Variants in MEF2A observed in about 807,000 individuals in gnomAD.
MEF2A encodes the protein myocyte enhancer factor 2A.
A neutral mutation model predicts 55.8 loss-of-function variants in MEF2A; 28 were observed. The observed-to-expected ratio is 0.50, with a 90% confidence interval of 0.37 to 0.69. The LOEUF is 0.69. Among genes scored for constraint, MEF2A ranks in the 30% least tolerant of loss-of-function variants. MEF2A has a pLI of 0.00. For missense variants in MEF2A, 528 were observed against 626.2 expected (o/e 0.84, Z 1.67); for synonymous variants, 239 against 227.1 (o/e 1.05, Z -0.47).
At chr15:99,606,035 T>C (rs1974988877) in intron 2 of MEF2A, among the ~76,000 whole-genome samples, 2 of 152,132 alleles carry the variant, frequency 1.3e-5, no homozygotes, top group African/African-American at 4.8e-5. Context: ...TATATAAATC[T>C]ACAGTCACTG....
chr15:99,578,603 T>C (rs1233241562), intron 1 of MEF2A, among the ~76,000 whole-genome samples: 1 of 151,872 alleles, frequency 6.6e-6, no homozygotes, highest in Admixed American at 6.6e-5. Context: ...TACTGGGGAG[T>C]CTTTTTCCTT....
At chr15:99,567,715 GTTTTAGGGAATCAAGAGTTTT>G (rs1960335211) in intron 1 of MEF2A, among the ~76,000 whole-genome samples, 3 of 148,030 alleles carry the variant, frequency 2.0e-5, no homozygotes, top group Non-Finnish European at 4.4e-5. Context: ...TACAACTTTT[GTTTTAGGGAATCAAGAGTTTT>G]CACTAAAGCA....
At chr15:99,636,578 A>G (rs2043888942) in intron 3 of MEF2A, among the ~76,000 whole-genome samples, 1 of 152,120 alleles carries the variant, frequency 6.6e-6, no homozygotes. Flanking sequence ...GCCTTAAGTG[A>G]TCCTCCTGCC....
At chr15:99,643,669 G>A (rs2045438514) in intron 3 of MEF2A, among the ~76,000 whole-genome samples, 1 of 149,604 alleles carries the variant, frequency 6.7e-6, no homozygotes, top group African/African-American at 2.5e-5. Flanking sequence ...TCGGCTCACT[G>A]CAAGCTCTGC....
chr15:99,594,873 T>C (rs7179518), intron 1 of MEF2A, among the ~76,000 whole-genome samples: 67,876 of 152,110 alleles, frequency 0.45, 17,159 homozygotes, highest in Middle Eastern at 0.61. Context: ...TCAAAGCAGG[T>C]GTCTGTCTAC....
At chr15:99,579,624 G>A (rs1325182895) in intron 1 of MEF2A, among the ~76,000 whole-genome samples, 1 of 152,068 alleles carries the variant, frequency 6.6e-6, no homozygotes, top group East Asian at 1.9e-4. Flanking sequence ...TCGGACTCCC[G>A]GCCTCAAGTG....
At chr15:99,620,577 C>G (rs773954511) in intron 2 of MEF2A, among the ~76,000 whole-genome samples, 2 of 152,166 alleles carry the variant, frequency 1.3e-5, no homozygotes, top group African/African-American at 2.4e-5. Context: ...TTTTCTTTAT[C>G]CATTCCACTG....
At chr15:99,685,436 AT>A (rs35134205) in intron 7 of MEF2A, among the ~76,000 whole-genome samples, 1,873 of 144,074 alleles carry the variant, frequency 0.013, 27 homozygotes, top group African/African-American at 0.038. Context: ...GTTCCTAAGT[AT>A]TTTTTTTTTT....
At chr15:99,607,880 A>G (rs548552802) in intron 2 of MEF2A, among the ~76,000 whole-genome samples, 1 of 152,360 alleles carries the variant, frequency 6.6e-6, no homozygotes, top group African/African-American at 2.4e-5. Context: ...TCGTAATACT[A>G]TGCTTATCTC....
intron 2 of MEF2A, among the ~76,000 whole-genome samples, chr15:99,620,524 CT>C (rs1220870626): frequency 2.0e-5 from 3 of 152,108 alleles, no homozygotes; most frequent in African/African-American, 7.2e-5. Context: ...TGATTTTGTT[CT>C]TTTTATGACT....
chr15:99,699,510 G>C (rs1316010356), intron 8 of MEF2A, among the ~76,000 whole-genome samples: 2 of 149,672 alleles, frequency 1.3e-5, no homozygotes, highest in East Asian at 3.8e-4. Context: ...TCATGAAACT[G>C]TACCTACAAA....
chr15:99,695,548 TGTGTGTGTGTGTG>T (rs1166401549), intron 8 of MEF2A, among the ~76,000 whole-genome samples: 1 of 151,348 alleles, frequency 6.6e-6, no homozygotes, highest in African/African-American at 2.4e-5. Context: ...GATTTGTGTG[TGTGTGTGTGTGTG>T]TGTGTGTGTT....
At chr15:99,691,875 T>G (rs1000016963) in intron 8 of MEF2A, among the ~76,000 whole-genome samples, 12 of 152,202 alleles carry the variant, frequency 7.9e-5, no homozygotes, top group African/African-American at 2.7e-4. Context: ...TGATGACGGC[T>G]TTAGGGTTCT....
intron 7 of MEF2A, 135 bp from the exon 8 acceptor site, chr15:99,690,106 C>G: frequency 1.3e-6 from 1 of 779,862 alleles, no homozygotes; most frequent in Non-Finnish European, 2.0e-6. Flanking sequence ...GCATTTCGGA[C>G]AAGGGATACT....
intron 4 of MEF2A, among the ~76,000 whole-genome samples, chr15:99,660,914 TA>T (rs1229637754): frequency 6.6e-6 from 1 of 152,202 alleles, no homozygotes; most frequent in Non-Finnish European, 1.5e-5. Flanking sequence ...CAACTGATTC[TA>T]AAGTTCACAG....
intron 7 of MEF2A, among the ~76,000 whole-genome samples, chr15:99,687,084 C>CTTTTTTTATTTTTTT (rs2054394607): frequency 1.5e-5 from 1 of 67,750 alleles, no homozygotes; most frequent in Admixed American, 2.2e-4. Context: ...ATTAATTTTT[C>CTTTTTTTATTTTTTT]TTTTTTTTTT....
intron 8 of MEF2A, among the ~76,000 whole-genome samples, chr15:99,697,591 A>G (rs987515900): frequency 1.3e-5 from 2 of 152,200 alleles, no homozygotes; most frequent in African/African-American, 4.8e-5. Flanking sequence ...GAAGACCTAG[A>G]TGAATAGATA....
rs1198949838 is a variant in MEF2A, at chr15:99,675,281, TTG to T, written c.611-114_611-113del. ...CTTCAGACTGAGCTAGTTTTTATTT[TTG>T]TGTCTTTTTAGGATTAGAGTGAGAG... On this transcript the variant is annotated intron_variant, in intron 6 of 11. Transcript: ENST00000557942. The T allele has an allele frequency of 1.1e-5, 10 of 881,686 alleles. No homozygotes were observed. The African/African-American group carries it at 1.2e-4, about 10-fold the overall frequency. The allele number at this position is 881,686 out of a possible 1,614,324, so 54.6% of individuals were successfully genotyped here. A position where few individuals can be genotyped will look rare whatever the true frequency, so the allele number is the denominator to read the frequency against.
chr15:99,699,920 G>A (rs906446088), intron 8 of MEF2A, among the ~76,000 whole-genome samples: 1 of 150,490 alleles, frequency 6.6e-6, no homozygotes, highest in African/African-American at 2.4e-5. Flanking sequence ...TGTGTTTCAG[G>A]GTTATAGTTG....
Sources: gnomAD v4.1 joint callset for allele counts (sites outside exome capture counted in the v4.1 genomes callset) on GRCh38, gnomAD v4.1.1 for gene constraint, MANE v1.5 for transcripts, NCBI Gene and HGNC (gene_info 2026-07-23, HGNC 2026-07-21) for gene names.